The following PTPRD variants were observed in gnomAD, a reference collection of about 807,000 sequenced individuals.
The protein encoded by PTPRD is protein tyrosine phosphatase receptor type D, also known as receptor-type tyrosine-protein phosphatase delta.
Under a neutral mutation model 214.5 loss-of-function variants are expected in PTPRD, and 34 were observed. The observed-to-expected ratio is 0.16, with a 90% confidence interval of 0.12 to 0.21. The LOEUF (loss-of-function observed/expected upper bound fraction) is 0.21. Ranked by LOEUF, PTPRD falls within the 10% of genes least tolerant of loss-of-function variation. PTPRD has a pLI of 1.00. For synonymous variants in PTPRD, 1,128 were observed against 845.7 expected (o/e 1.33, Z -5.79); for missense variants, 2,545 against 2,398.7 (o/e 1.06, Z -1.27).
At chr9:8,620,655 A>C (rs1295352527) in intron 14 of PTPRD, among the ~76,000 whole-genome samples, 1 of 151,980 alleles carries the variant, frequency 6.6e-6, no homozygotes, top group Non-Finnish European at 1.5e-5. Context: ...GTGCAAAACC[A>C]TCCTGTTACA....
chr9:9,142,657 G>C (rs1052617121), intron 10 of PTPRD, among the ~76,000 whole-genome samples: 1 of 152,166 alleles, frequency 6.6e-6, no homozygotes, highest in African/African-American at 2.4e-5. Flanking sequence ...ATATAAAAAG[G>C]AACTGCTACA....
At chr9:10,421,861 G>A (rs2098548857) in intron 2 of PTPRD, among the ~76,000 whole-genome samples, 2 of 151,332 alleles carry the variant, frequency 1.3e-5, no homozygotes, top group Non-Finnish European at 2.9e-5. Context: ...TTATTCATAT[G>A]CCAATAACAG....
intron 33 of PTPRD, among the ~76,000 whole-genome samples, chr9:8,458,528 T>A (rs1212437565): frequency 1.3e-5 from 2 of 152,174 alleles, no homozygotes; most frequent in Admixed American, 1.3e-4. Flanking sequence ...CATAGTAGTA[T>A]GTGACTACCT....
chr9:9,838,404 A>G (rs113983598), intron 5 of PTPRD, among the ~76,000 whole-genome samples: 14,832 of 151,424 alleles, frequency 0.098, 2,117 homozygotes, highest in East Asian at 0.73. Context: ...AAGTGTTCCT[A>G]TTTCTCCACA....
At chr9:9,415,016 C>T (rs563155006) in intron 8 of PTPRD, among the ~76,000 whole-genome samples, 5 of 152,238 alleles carry the variant, frequency 3.3e-5, no homozygotes, top group South Asian at 2.1e-4. Flanking sequence ...TAACTTTTAA[C>T]GAGAGGACTG....
intron 3 of PTPRD, among the ~76,000 whole-genome samples, chr9:10,050,559 CAAAAAAAAAAAAAAAAAAAAA>C (rs1164243746): frequency 7.1e-5 from 1 of 13,990 alleles, no homozygotes; most frequent in Admixed American, 1.4e-3. Context: ...GAGTCTGTCT[CAAAAAAAAAAAAAAAAAAAAA>C]AAAAAAAAAA....
At chr9:9,365,908 TGTG>T (rs1402210551) in intron 9 of PTPRD, among the ~76,000 whole-genome samples, 5 of 151,572 alleles carry the variant, frequency 3.3e-5, no homozygotes, top group Non-Finnish European at 7.4e-5. Context: ...TCATTAGAAT[TGTG>T]GTAACTGAAC....
At chr9:9,970,684 C>G (rs569912503) in intron 4 of PTPRD, among the ~76,000 whole-genome samples, 1 of 152,198 alleles carries the variant, frequency 6.6e-6, no homozygotes, top group South Asian at 2.1e-4. Context: ...GGGCATTCAC[C>G]AGGAGTCGTC....
At chr9:9,529,991 T>C (rs2075101085) in intron 8 of PTPRD, among the ~76,000 whole-genome samples, 1 of 151,944 alleles carries the variant, frequency 6.6e-6, no homozygotes, top group Non-Finnish European at 1.5e-5. Flanking sequence ...CCAAGACCTA[T>C]GGGAAATAGC....
chr9:10,425,497 C>T (rs544578442), intron 2 of PTPRD, among the ~76,000 whole-genome samples: 1 of 151,928 alleles, frequency 6.6e-6, no homozygotes, highest in African/African-American at 2.4e-5. Context: ...GTTCTCCAAG[C>T]ACTGAGGTAT....
At chr9:8,868,509 T>A (rs1249160592) in intron 11 of PTPRD, among the ~76,000 whole-genome samples, 1 of 152,134 alleles carries the variant, frequency 6.6e-6, no homozygotes, top group African/African-American at 2.4e-5. Context: ...CAGCCTAGCA[T>A]CTATATTTTA....
At chr9:8,318,572 C>G (rs1375830976) in intron 45 of PTPRD, among the ~76,000 whole-genome samples, 2 of 151,966 alleles carry the variant, frequency 1.3e-5, no homozygotes, top group African/African-American at 4.8e-5. Context: ...TGCGGCACAC[C>G]AGGCACACAA....
chr9:10,581,683 G>A (rs184832653), intron 2 of PTPRD, among the ~76,000 whole-genome samples: 230 of 152,234 alleles, frequency 1.5e-3, no homozygotes, highest in African/African-American at 4.9e-3. Flanking sequence ...CAACTCGCTT[G>A]CTGTGTTAAT....
chr9:9,308,230 A>G (rs12379153), intron 9 of PTPRD, among the ~76,000 whole-genome samples: 17,638 of 152,218 alleles, frequency 0.12, 1,402 homozygotes, highest in Non-Finnish European at 0.17. Context: ...TAATATCACC[A>G]ACTAATGACA....
intron 38 of PTPRD, 113 bp from the exon 39 acceptor site, chr9:8,376,203 C>A: frequency 8.2e-7 from 1 of 1,225,870 alleles, no homozygotes; most frequent in Non-Finnish European, 1.1e-6. Flanking sequence ...TTTCTACCAC[C>A]CTGTAGCCTT....
At chr9:10,289,018 G>T (rs2095448277) in intron 3 of PTPRD, among the ~76,000 whole-genome samples, 1 of 127,906 alleles carries the variant, frequency 7.8e-6, no homozygotes, top group Admixed American at 7.6e-5. Flanking sequence ...AAATTAAGAT[G>T]GAGAGTTTTT....
chr9:10,232,589 T>C (rs1192899505), intron 3 of PTPRD, among the ~76,000 whole-genome samples: 1 of 152,018 alleles, frequency 6.6e-6, no homozygotes, highest in African/African-American at 2.4e-5. Flanking sequence ...TAAAGATGTT[T>C]GCATCTCCAG....
At chr9:10,425,031 C>T (rs1004985147) in intron 2 of PTPRD, among the ~76,000 whole-genome samples, 3 of 151,806 alleles carry the variant, frequency 2.0e-5, no homozygotes, top group African/African-American at 4.8e-5. Flanking sequence ...AAATAGAGTA[C>T]CTATATATAG....
At chr9:9,264,932 T>C (rs9299090) in intron 9 of PTPRD, among the ~76,000 whole-genome samples, 43,805 of 150,386 alleles carry the variant, frequency 0.29, 6,568 homozygotes, top group East Asian at 0.42. Context: ...CCAAGAATAT[T>C]TTAAAGCTGT....
Sources: allele counts gnomAD v4.1 joint callset (sites outside exome capture counted in the v4.1 genomes callset), GRCh38; gene constraint gnomAD v4.1.1; transcripts MANE v1.5; gene names NCBI Gene and HGNC (gene_info 2026-07-23, HGNC 2026-07-21).